CALB2: variants seen among roughly 807,000 people sequenced by gnomAD.
CALB2 encodes calretinin.
A neutral mutation model predicts 45.9 loss-of-function variants in CALB2; 34 were observed. The observed-to-expected ratio is 0.74, with a 90% CI of 0.56 to 0.99. CALB2 has a LOEUF of 0.99. CALB2 is among the 50% of genes least tolerant of loss of function. The pLI, the probability that CALB2 is intolerant of heterozygous loss-of-function variation, is 0.00. For synonymous variants in CALB2, 142 were observed against 129.6 expected (o/e 1.10, Z -0.65); for missense variants, 344 against 339.3 (o/e 1.01, Z -0.11).
chr16:71,385,266 G>T, intron 9 of CALB2: 1 of 362,422 alleles, frequency 2.8e-6, no homozygotes, highest in Non-Finnish European at 5.0e-6. Context: ...TTCATAACCA[G>T]TGTTGGAGGT....
intron 10 of CALB2, 84 bp downstream of exon 10, chr16:71,385,732 T>A: frequency 9.3e-7 from 1 of 1,073,210 alleles, no homozygotes; most frequent in Non-Finnish European, 1.4e-6. Context: ...AGGTGCCTGG[T>A]CCTGCTCTCT....
chr16:71,366,016 C>CTTTTTTT (rs2042281730), intron 1 of CALB2, among the ~76,000 whole-genome samples: 1 of 32,704 alleles, frequency 3.1e-5, no homozygotes, highest in Non-Finnish European at 6.5e-5. Flanking sequence ...TTTCTTCCCT[C>CTTTTTTT]TCTCTCTCTT....
intron 1 of CALB2, among the ~76,000 whole-genome samples, chr16:71,366,101 A>C (rs563698213): frequency 1.7e-4 from 22 of 128,662 alleles, no homozygotes; most frequent in Non-Finnish European, 3.1e-4. Context: ...ATCTTGGCTC[A>C]CTGCAAGCTC....
chr16:71,380,535 C>T (rs902660913), intron 4 of CALB2, among the ~76,000 whole-genome samples: 3 of 151,866 alleles, frequency 2.0e-5, no homozygotes, highest in African/African-American at 7.3e-5. Context: ...CTCAAACTCC[C>T]GACCTCAGGT....
intron 8 of CALB2, 53 bp downstream of exon 8, chr16:71,384,431 C>T: frequency 6.9e-7 from 1 of 1,440,274 alleles, no homozygotes; most frequent in Non-Finnish European, 9.7e-7. Flanking sequence ...TGAGCCTGGC[C>T]CTGCACCCTC....
rs2042336422 is a variant in CALB2, at chr16:71,370,473, T to C, written c.95-1680T>C. Among the ~76,000 whole-genome samples, 2 of 151,010 alleles carry C rather than the reference T, an allele frequency of 1.3e-5. 1 individual carries two copies. Among genetic ancestry groups the C allele is most frequent in the Admixed American group, 1.3e-4 (2 of 15,236 alleles). Reference sequence around the variant, plus strand: ...AAACTTTGCTGCACAGGAAATCACCTGGGAGTGTTAAAAAAAAAAAAATCA... The same window carrying C: ...AAACTTTGCTGCACAGGAAATCACCCGGGAGTGTTAAAAAAAAAAAAATCA... On this transcript the variant is annotated intron_variant, in intron 1 of 10. Coordinates refer to ENST00000302628, the MANE Select transcript of CALB2 (RefSeq NM_001740.5).
chr16:71,359,500 G>A (rs2042216600), intron 1 of CALB2, among the ~76,000 whole-genome samples: 1 of 152,146 alleles, frequency 6.6e-6, no homozygotes, highest in South Asian at 2.1e-4. Context: ...GCAGCGTTGG[G>A]GTGCCAGTCC....
chr16:71,382,035 G>GAGGAGGAGT, intron 4 of CALB2, among the ~76,000 whole-genome samples: 1 of 126,898 alleles, frequency 7.9e-6, no homozygotes, highest in African/African-American at 3.0e-5. Flanking sequence ...GGAGGAGGAG[G>GAGGAGGAGT]AGGAGGAGTA....
intron 1 of CALB2, among the ~76,000 whole-genome samples, chr16:71,371,432 C>T (rs985370650): frequency 6.6e-6 from 1 of 152,222 alleles, no homozygotes; most frequent in Non-Finnish European, 1.5e-5. Context: ...TGTATTCTCT[C>T]ACATTTCTAG....
intron 1 of CALB2, among the ~76,000 whole-genome samples, chr16:71,367,093 C>T (rs960395067): frequency 5.9e-5 from 9 of 152,148 alleles, no homozygotes; most frequent in African/African-American, 1.7e-4. Context: ...CCCAAGTGTC[C>T]GTGGTCAGAT....
intron 1 of CALB2, among the ~76,000 whole-genome samples, chr16:71,364,632 C>T (rs989483978): frequency 1.3e-5 from 2 of 152,216 alleles, no homozygotes; most frequent in African/African-American, 4.8e-5. Context: ...TCCCTCATGC[C>T]TGGGACTCAG....
chr16:71,359,448 C>T (rs2042216081), intron 1 of CALB2, among the ~76,000 whole-genome samples: 2 of 152,178 alleles, frequency 1.3e-5, no homozygotes, highest in Non-Finnish European at 2.9e-5. Context: ...CCGCCGTGGG[C>T]ATGTAGGTTT....
At chr16:71,377,859 C>T (rs1004849664) in intron 4 of CALB2, 112 bp downstream of exon 4, 1 of 692,200 alleles carries the variant, frequency 1.4e-6, no homozygotes, top group South Asian at 1.8e-5. Flanking sequence ...TGCTAAACCC[C>T]TTAGAGCTCT....
At chr16:71,382,063 G>GA in intron 4 of CALB2, among the ~76,000 whole-genome samples, 3 of 121,898 alleles carry the variant, frequency 2.5e-5, no homozygotes, top group South Asian at 3.4e-4. Flanking sequence ...GAGGAGAGGG[G>GA]GAGGGGGAGG....
At chr16:71,362,556 G>A (rs1331432707) in intron 1 of CALB2, among the ~76,000 whole-genome samples, 1 of 152,178 alleles carries the variant, frequency 6.6e-6, no homozygotes, top group Non-Finnish European at 1.5e-5. Flanking sequence ...TTCACTGGGG[G>A]ACAGAAAAAT....
intron 1 of CALB2, 57 bp from the exon 2 acceptor site, chr16:71,372,096 C>T: frequency 8.1e-7 from 1 of 1,234,024 alleles, no homozygotes; most frequent in Non-Finnish European, 1.2e-6. Context: ...ACATGCCCAC[C>T]CCGTGCCCCC....
At chr16:71,383,544 G>C in intron 6 of CALB2, 100 bp downstream of exon 6, 1 of 1,069,790 alleles carries the variant, frequency 9.3e-7, no homozygotes, top group South Asian at 1.4e-5. Context: ...TGATTCTTCA[G>C]GCCCAAGGGA....
Position 71,389,956 on chromosome 16 carries a change from C to T in CALB2, c.*91C>T, listed in dbSNP as rs1221150458. 1.8e-5 allele frequency: 14 copies of T among 796,262 alleles called. No individual in the cohort carries two copies. The highest frequency in any genetic ancestry group is 2.9e-5 in the South Asian group (2 of 69,140). The allele number at this position is 796,262 out of a possible 1,614,324, so 49.3% of individuals were successfully genotyped here. A position where few individuals can be genotyped will look rare whatever the true frequency, so the allele number is the denominator to read the frequency against. On this transcript the variant is annotated 3_prime_UTR_variant, in exon 11 of 11. Transcript: ENST00000302628. ...CCAGACTCAGAGACCGTGAGCGCCC[C>T]GCCCCCACCCCTACAGCCTGCACAC...
chr16:71,362,909 G>A (rs1465359972), intron 1 of CALB2, among the ~76,000 whole-genome samples: 1 of 152,244 alleles, frequency 6.6e-6, no homozygotes, highest in Non-Finnish European at 1.5e-5. Flanking sequence ...GCCAGGCACA[G>A]TGGCTCAGGC....
Sources: allele counts gnomAD v4.1 joint callset (sites outside exome capture counted in the v4.1 genomes callset), GRCh38; gene constraint gnomAD v4.1.1; transcripts MANE v1.5; gene names NCBI Gene and HGNC (gene_info 2026-07-23, HGNC 2026-07-21).